CCNY: variants seen among roughly 807,000 people sequenced by gnomAD.
CCNY encodes the protein cyclin-Y.
In CCNY, 19 loss-of-function variants were observed where a neutral mutation model predicts 42.8. The observed-to-expected ratio is 0.44, with a 90% CI of 0.31 to 0.65. The LOEUF is 0.65. Ranked by LOEUF, CCNY falls within the 30% of genes least tolerant of loss-of-function variation. The probability of loss-of-function intolerance (pLI) is 0.07; values close to 1 mark genes in which losing one functional copy is unlikely to be tolerated. For missense variants in CCNY, 370 were observed against 437.3 expected (o/e 0.85, Z 1.37); for synonymous variants, 165 against 162.7 (o/e 1.01, Z -0.11).
intron 7 of CCNY, among the ~76,000 whole-genome samples, chr10:35,550,207 T>TCGTGACCCTGCACTGCTCATGGCC (rs1841222381): frequency 6.7e-6 from 1 of 148,862 alleles, no homozygotes; most frequent in Non-Finnish European, 1.5e-5. Context: ...CCTACAGTGC[T>TCGTGACCCTGCACTGCTCATGGCC]CGTGACCCTG....
chr10:35,438,887 T>C lies in CCNY; in HGVS notation c.155-44517T>C, dbSNP rs569895564. 1.1e-4 allele frequency among the ~76,000 whole-genome samples: 16 copies of C among 152,304 alleles called. No individual in the cohort carries two copies. In the East Asian group the frequency reaches 1.7e-3, roughly 17 times the overall value. Reference sequence around the variant, plus strand: ...AGTTTCTCTTAGTTTCATGAAAATATCTTGATTTCCTCTTCATTCCTTAAT... The same window carrying C: ...AGTTTCTCTTAGTTTCATGAAAATACCTTGATTTCCTCTTCATTCCTTAAT... On this transcript the variant is annotated intron_variant, in intron 1 of 9. Transcript: ENST00000374704.
At chr10:35,550,268 T>C (rs1841224838) in intron 7 of CCNY, among the ~76,000 whole-genome samples, 1 of 151,124 alleles carries the variant, frequency 6.6e-6, no homozygotes, top group East Asian at 1.9e-4. Context: ...GTGCTGCTCA[T>C]AGTCCGTGAC....
Position 35,448,862 on chromosome 10 carries a change from A to T in CCNY, c.155-34542A>T, listed in dbSNP as rs150987750. 3.5e-3 allele frequency among the ~76,000 whole-genome samples: 528 copies of T among 152,230 alleles called. 4 individuals are homozygous for T. The highest frequency in any genetic ancestry group is 0.012 in the African/African-American group (517 of 41,540). The stretch of plus-strand genomic sequence containing the variant: ...CAGTTTTGGCAGGATTCCTGTGGCA[A>T]CTATGGAGAGAATGGACAATGGAGT... On this transcript the variant is annotated intron_variant, in intron 1 of 9. Coordinates refer to ENST00000374704, the MANE Select transcript of CCNY (RefSeq NM_145012.6).
intron 8 of CCNY, among the ~76,000 whole-genome samples, chr10:35,565,027 GT>G (rs1474921430): frequency 7.9e-5 from 12 of 152,308 alleles, no homozygotes; most frequent in African/African-American, 2.9e-4. Flanking sequence ...TGGGGAGAAC[GT>G]GCTGAATCTG....
At chr10:35,483,515 G>A (rs997787637) in intron 2 of CCNY, 37 bp downstream of exon 2, 1 of 1,328,958 alleles carries the variant, frequency 7.5e-7, no homozygotes, top group Non-Finnish European at 1.1e-6. Context: ...TGTAAAAAAG[G>A]CTCATGTTGG....
At chr10:35,329,001 A>C (rs898033681) in intron 3 of CCNY, among the ~76,000 whole-genome samples, 2 of 152,224 alleles carry the variant, frequency 1.3e-5, no homozygotes, top group African/African-American at 2.4e-5. Context: ...CATCTTGATA[A>C]GTATGTATAA....
chr10:35,446,378 C>T (rs1485108234), intron 1 of CCNY, among the ~76,000 whole-genome samples: 3 of 152,172 alleles, frequency 2.0e-5, no homozygotes, highest in Non-Finnish European at 4.4e-5. Flanking sequence ...GACACACATG[C>T]TCAGTGAAAA....
intron 7 of CCNY, among the ~76,000 whole-genome samples, chr10:35,537,624 A>T (rs1840912580): frequency 6.6e-6 from 1 of 152,076 alleles, no homozygotes; most frequent in South Asian, 2.1e-4. Flanking sequence ...TTAAAATTTG[A>T]CTTCCCTGCT....
At chr10:35,427,660 G>A (rs909871576) in intron 1 of CCNY, among the ~76,000 whole-genome samples, 2 of 152,254 alleles carry the variant, frequency 1.3e-5, no homozygotes, top group African/African-American at 4.8e-5. Flanking sequence ...AAAATTTGCT[G>A]TGACCCACAG....
At chr10:35,435,733 G>A (rs543014258) in intron 1 of CCNY, among the ~76,000 whole-genome samples, 1 of 152,316 alleles carries the variant, frequency 6.6e-6, no homozygotes, top group Admixed American at 6.5e-5. Flanking sequence ...TTTGTGTTGA[G>A]GACTCAGTGG....
intron 3 of CCNY, among the ~76,000 whole-genome samples, chr10:35,506,745 A>G (rs1460995918): frequency 1.3e-5 from 2 of 152,212 alleles, no homozygotes; most frequent in African/African-American, 2.4e-5. Flanking sequence ...TGACGGGGCC[A>G]CTGAGCTGTT....
chr10:35,466,331 G>T (rs1373927881), intron 1 of CCNY, among the ~76,000 whole-genome samples: 2 of 152,152 alleles, frequency 1.3e-5, no homozygotes, highest in African/African-American at 4.8e-5. Flanking sequence ...GGGCAGAGGG[G>T]CTGGCCTGGT....
intron 1 of CCNY, among the ~76,000 whole-genome samples, chr10:35,446,270 C>A (rs1057452580): frequency 3.9e-5 from 6 of 152,180 alleles, no homozygotes; most frequent in Non-Finnish European, 7.3e-5. Flanking sequence ...AATACTTTAT[C>A]ATCTGAGAAG....
At position 35,544,516 on chromosome 10, in the gene CCNY, T is replaced by C. The variant is rs527907796; in HGVS notation, c.580-8503T>C. On this transcript the variant is annotated intron_variant, in intron 7 of 9. Transcript: ENST00000374704. ...TTCCCACAAGGATTGAATTGCCTAATGAAGCATTTTTCAGAATGTACCCAT... is the reference window on the plus strand; with the variant it reads ...TTCCCACAAGGATTGAATTGCCTAACGAAGCATTTTTCAGAATGTACCCAT... 2.0e-4 allele frequency among the ~76,000 whole-genome samples: 30 copies of C among 152,312 alleles called. No individual in the cohort carries two copies. The East Asian group carries it at 2.7e-3, about 14-fold the overall frequency.
chr10:35,554,462 T>C (rs1293044584), intron 8 of CCNY, among the ~76,000 whole-genome samples: 3 of 152,212 alleles, frequency 2.0e-5, no homozygotes, highest in Non-Finnish European at 4.4e-5. Flanking sequence ...CTATATTTCA[T>C]GGTGAAAACA....
At chr10:35,433,597 G>C (rs1389152823) in intron 1 of CCNY, among the ~76,000 whole-genome samples, 1 of 152,122 alleles carries the variant, frequency 6.6e-6, no homozygotes, top group Non-Finnish European at 1.5e-5. Flanking sequence ...TATTAGTCTT[G>C]GTTCTACCAT....
At chr10:35,395,007 A>G (rs1406375490) in intron 1 of CCNY, 3 of 216,342 alleles carry the variant, frequency 1.4e-5, no homozygotes, top group African/African-American at 2.4e-5. Context: ...GGAATTAAAA[A>G]TTTGGAGTTG....
intron 1 of CCNY, among the ~76,000 whole-genome samples, chr10:35,410,991 A>C (rs1238572436): frequency 6.6e-6 from 1 of 152,180 alleles, no homozygotes; most frequent in East Asian, 1.9e-4. Context: ...GTGAAGGGTG[A>C]GGGCTTTTAA....
At chr10:35,507,287 G>GTGTGTGTACATATATA (rs1840234623) in intron 3 of CCNY, among the ~76,000 whole-genome samples, 2 of 152,064 alleles carry the variant, frequency 1.3e-5, no homozygotes, top group African/African-American at 2.4e-5. Flanking sequence ...GTATATATAT[G>GTGTGTGTACATATATA]TGTGTGTACA....
Sources: allele counts gnomAD v4.1 joint callset (sites outside exome capture counted in the v4.1 genomes callset), GRCh38; gene constraint gnomAD v4.1.1; transcripts MANE v1.5; gene names NCBI Gene and HGNC (gene_info 2026-07-23, HGNC 2026-07-21).